Variants in DMD observed in about 807,000 individuals in gnomAD.
The protein encoded by DMD is mutant dystrophin.
In DMD, 63 loss-of-function variants were observed where a neutral mutation model predicts 330.1. That is an observed-to-expected ratio of 0.19 (90% CI 0.16 to 0.24). DMD has a LOEUF of 0.24. Ranked by LOEUF, DMD falls within the 10% of genes least tolerant of loss-of-function variation. The pLI is 1.00. For missense variants in DMD, 3,344 were observed against 2,684.1 expected, an observed-to-expected ratio of 1.25 and a Z score of -5.43; for synonymous variants, 1,223 against 959.8, an observed-to-expected ratio of 1.27 and a Z score of -5.07.
chrX:31,405,272 G>C (rs757503807), intron 60 of DMD, among the ~76,000 whole-genome samples: 41 of 111,914 alleles, frequency 3.7e-4, no homozygotes, highest in Non-Finnish European at 7.0e-4. Context: ...AGAACAATCA[G>C]GCACAGGCAA....
chrX:31,445,500 T>A (rs1469907526), intron 59 of DMD, among the ~76,000 whole-genome samples: 1 of 112,246 alleles, frequency 8.9e-6, no homozygotes, highest in Non-Finnish European at 1.9e-5. Flanking sequence ...ATTCTACTCA[T>A]GTCACAACCA....
At chrX:32,311,555 A>G (rs1387942428) in intron 41 of DMD, among the ~76,000 whole-genome samples, 1 of 111,790 alleles carries the variant, frequency 8.9e-6, no homozygotes, top group East Asian at 2.8e-4. Flanking sequence ...CAAATTAGCT[A>G]TTAAATAATT....
intron 11 of DMD, among the ~76,000 whole-genome samples, chrX:32,620,688 A>G (rs1178610694): frequency 1.8e-5 from 2 of 112,164 alleles, no homozygotes; most frequent in Admixed American, 9.5e-5. Context: ...ATCTTTACTG[A>G]GTTTCATATC....
At chrX:33,215,545 T>A (rs1300557914), upstream of DMD, among the ~76,000 whole-genome samples, 1 of 111,433 alleles carries the variant, frequency 9.0e-6, no homozygotes, top group Non-Finnish European at 1.9e-5. Context: ...ACTTGTCAAT[T>A]TTTGTTTTTG....
intron 61 of DMD, among the ~76,000 whole-genome samples, chrX:31,341,278 C>A (rs1361464211): frequency 1.8e-5 from 2 of 111,853 alleles, no homozygotes; most frequent in Admixed American, 1.9e-4. Flanking sequence ...CATATTTCAC[C>A]GAATTCAATA....
Position 31,861,638 on chromosome X carries a change from CTGTG to C in DMD, c.7098+13546_7098+13549del, listed in dbSNP as rs1556949987. Reference sequence around the variant, plus strand: ...AACTACTAATACAGAAAATAATCACCTGTGTGTGTGTGTGTGTGTGTGTGTGTGT... The same window carrying C: ...AACTACTAATACAGAAAATAATCACCTGTGTGTGTGTGTGTGTGTGTGTGT... On this transcript the variant is annotated intron_variant, in intron 48 of 78. Transcript: ENST00000357033. Among the ~76,000 whole-genome samples the C allele has an allele frequency of 3.6e-3, 299 of 83,073 alleles. 2 individuals are homozygous for C. Among genetic ancestry groups the C allele is most frequent in the African/African-American group, 9.7e-3 (204 of 21,011 alleles). 72.1% of individuals were successfully genotyped at this position (83,073 alleles called of 115,157 possible). A position where few individuals can be genotyped will look rare whatever the true frequency, so the allele number is the denominator to read the frequency against.
chrX:31,581,992 CT>C (rs2076362809), intron 55 of DMD, among the ~76,000 whole-genome samples: 1 of 111,717 alleles, frequency 9.0e-6, no homozygotes, highest in South Asian at 3.7e-4. Context: ...TAGCTAATTC[CT>C]TTTCTGTAAA....
At chrX:32,771,448 T>G (rs747089485) in intron 7 of DMD, among the ~76,000 whole-genome samples, 1 of 110,320 alleles carries the variant, frequency 9.1e-6, no homozygotes, top group South Asian at 3.8e-4. Context: ...TTTCAGCAAG[T>G]GAAAACATAA....
chrX:33,299,586 A>G (rs960179195), intron 1 of DMD, among the ~76,000 whole-genome samples: 1 of 111,678 alleles, frequency 9.0e-6, no homozygotes, highest in African/African-American at 3.3e-5. Flanking sequence ...GAATCTTAAA[A>G]TGAAATATGC....
rs764520095 is a variant in DMD at position 31,180,408 on chromosome X, G to A, written c.10048C>T (p.His3350Tyr). 7.4e-6 allele frequency: 9 copies of A among 1,208,145 alleles called. No homozygotes were observed. Among genetic ancestry groups the A allele is most frequent in the African/African-American group, 3.5e-5 (2 of 56,946 alleles). Residue 3350 changes from histidine (H) to tyrosine (Y), a missense_variant, in exon 69 of 79, where the codon CAT becomes TAT. Coordinates refer to ENST00000357033, the MANE Select transcript of DMD (RefSeq NM_004006.3). ...CFFSGRVAKG[H>Y]KMHYPMVEYC... ...TCCACCATGGGATAGTGCATTTTAT[G>A]GCCTTTTGCAACTCGACCAGAAAAA...
At chrX:31,659,858 C>T (rs60562923) in intron 53 of DMD, among the ~76,000 whole-genome samples, 2,373 of 110,044 alleles carry the variant, frequency 0.022, 67 homozygotes, top group African/African-American at 0.074. Context: ...GAGCTGAACA[C>T]GAAATGGAAG....
chrX:32,472,120 T>C lies in DMD; in HGVS notation c.2949+44A>G. ...TAAAGGTTATATCAATGTGAATGCT[T>C]GATAAGCGTGCTTTATTGTTTTGAC... On this transcript the variant is annotated intron_variant, in intron 22 of 78. Coordinates refer to ENST00000357033, the MANE Select transcript of DMD (RefSeq NM_004006.3). 2.5e-6 allele frequency: 3 copies of C among 1,191,740 alleles called. No homozygotes were observed. In the African/African-American group the frequency reaches 5.2e-5, roughly 21 times the overall value.
chrX:32,156,078 T>G (rs1273723703), intron 44 of DMD, among the ~76,000 whole-genome samples: 1 of 111,320 alleles, frequency 9.0e-6, no homozygotes, highest in Non-Finnish European at 1.9e-5. Flanking sequence ...GTGCTATTCA[T>G]TCACTGAGCA....
At chrX:32,784,932 A>C (rs1254349310) in intron 7 of DMD, among the ~76,000 whole-genome samples, 1 of 111,394 alleles carries the variant, frequency 9.0e-6, no homozygotes, top group African/African-American at 3.3e-5. Flanking sequence ...ACTTCCTGAC[A>C]CACTTGGAGT....
intron 1 of DMD, among the ~76,000 whole-genome samples, chrX:33,152,266 T>C (rs1191972688): frequency 9.1e-6 from 1 of 109,477 alleles, no homozygotes; most frequent in African/African-American, 3.3e-5. Flanking sequence ...GCCTCCCAGG[T>C]TCAAGTGATT....
intron 9 of DMD, among the ~76,000 whole-genome samples, chrX:32,662,485 A>G (rs2061009143): frequency 1.8e-5 from 2 of 111,754 alleles, no homozygotes; most frequent in African/African-American, 6.5e-5. Context: ...AGATAATAAC[A>G]TTGTGCCTAG....
At chrX:31,213,368 C>T (rs961187501) in intron 64 of DMD, among the ~76,000 whole-genome samples, 12 of 112,428 alleles carry the variant, frequency 1.1e-4, no homozygotes, top group African/African-American at 3.6e-4. Flanking sequence ...TACCCGGGCA[C>T]AGTCAGACCA....
At chrX:31,967,300 GTGTGT>G (rs2095359266) in intron 45 of DMD, among the ~76,000 whole-genome samples, 3 of 9,452 alleles carry the variant, frequency 3.2e-4, no homozygotes, top group South Asian at 2.4e-3. Flanking sequence ...GGCAAGGGGT[GTGTGT>G]GTGTGTGTGT....
intron 41 of DMD, among the ~76,000 whole-genome samples, chrX:32,337,299 C>G (rs1408717571): frequency 9.2e-6 from 1 of 109,186 alleles, no homozygotes; most frequent in Non-Finnish European, 1.9e-5. Flanking sequence ...TTGGTAGATG[C>G]CAATTAACGT....
Sources: gnomAD v4.1 joint callset for allele counts (sites outside exome capture counted in the v4.1 genomes callset) on GRCh38, gnomAD v4.1.1 for gene constraint, MANE v1.5 for transcripts, NCBI Gene and HGNC (gene_info 2026-07-23, HGNC 2026-07-21) for gene names.